The following PHAF1 variants were observed in gnomAD, a reference collection of about 807,000 sequenced individuals.
PHAF1 encodes the protein phagosome assembly factor 1.
PHAF1 carries 23 observed loss-of-function variants against 63.1 expected under a neutral mutation model. The observed-to-expected ratio is 0.36, with a 90% CI of 0.26 to 0.52. The LOEUF is 0.52. Among genes scored for constraint, PHAF1 ranks in the 20% least tolerant of loss-of-function variants. PHAF1 has a pLI of 0.93. For synonymous variants in PHAF1, 167 were observed against 185.0 expected (o/e 0.90, Z 0.79); for missense variants, 427 against 517.2 (o/e 0.83, Z 1.69).
At chr16:67,124,790 C>T (rs763795497) in intron 2 of PHAF1, among the ~76,000 whole-genome samples, 7 of 151,830 alleles carry the variant, frequency 4.6e-5, no homozygotes, top group Non-Finnish European at 8.8e-5. Context: ...GTAGTCCCAG[C>T]TACTCGGGAG....
intron 2 of PHAF1, 41 bp downstream of exon 2, chr16:67,120,235 G>C (rs749759258): frequency 6.4e-7 from 1 of 1,563,172 alleles, no homozygotes. Context: ...AGCATCCCTC[G>C]GTAGTGAGTC....
intron 1 of PHAF1, among the ~76,000 whole-genome samples, chr16:67,116,115 C>T (rs973206465): frequency 3.3e-5 from 5 of 152,206 alleles, no homozygotes; most frequent in African/African-American, 1.2e-4. Flanking sequence ...TCCATTCCTC[C>T]TGGGAATGAC....
chr16:67,112,862 T>G (rs1238696212), intron 1 of PHAF1, among the ~76,000 whole-genome samples: 1 of 152,200 alleles, frequency 6.6e-6, no homozygotes, highest in African/African-American at 2.4e-5. Context: ...GAGATGGTGT[T>G]AATTTAACTT....
chr16:67,145,636 G>A lies in PHAF1; in HGVS notation c.1109+8G>A. 2 of 1,609,124 alleles carry A rather than the reference G, an allele frequency of 1.2e-6. No individual in the cohort carries two copies. Among genetic ancestry groups the A allele is most frequent in the East Asian group, 4.5e-5 (2 of 44,832 alleles). ...GCCTGTTGTCCTGCACAGGTGAGTG[G>A]GAGTTTGATGTCCCCGGCCACCCCA... On this transcript the variant is annotated splice_region_variant and intron_variant, in intron 14 of 15. Coordinates refer to ENST00000219139, the MANE Select transcript of PHAF1 (RefSeq NM_025187.5).
intron 1 of PHAF1, 72 bp downstream of exon 1, chr16:67,110,311 C>T: frequency 6.7e-7 from 1 of 1,495,542 alleles, no homozygotes; most frequent in South Asian, 1.2e-5. Flanking sequence ...CCCACCTGTT[C>T]TCAGTCTCTC....
At chr16:67,139,064 G>A (rs1189146940) in intron 8 of PHAF1, among the ~76,000 whole-genome samples, 3 of 151,176 alleles carry the variant, frequency 2.0e-5, no homozygotes, top group African/African-American at 4.9e-5. Flanking sequence ...GACTGCAGGA[G>A]TGTGCCACCA....
At chr16:67,140,465 AT>A (rs1567653138) in intron 9 of PHAF1, 45 bp from the exon 10 acceptor site, 15 of 1,399,856 alleles carry the variant, frequency 1.1e-5, no homozygotes, top group Non-Finnish European at 1.5e-5. Context: ...ATCCAGAACT[AT>A]ATTAGAGGGA....
At chr16:67,118,137 T>G (rs530754397) in intron 1 of PHAF1, among the ~76,000 whole-genome samples, 64 of 146,986 alleles carry the variant, frequency 4.4e-4, no homozygotes, top group African/African-American at 1.5e-3. Context: ...TTTTTTTTTT[T>G]TTTTTTTTTT....
intron 15 of PHAF1, 35 bp downstream of exon 15, chr16:67,146,385 G>C: frequency 6.3e-7 from 1 of 1,592,512 alleles, no homozygotes; most frequent in Non-Finnish European, 8.6e-7. Flanking sequence ...AAACTGCCTG[G>C]GGGGTTGCTG....
intron 4 of PHAF1, 37 bp downstream of exon 4, chr16:67,131,366 G>C (rs753110618): frequency 7.1e-7 from 1 of 1,414,950 alleles, no homozygotes. Flanking sequence ...GTCACACTTG[G>C]TATAGACAGG....
chr16:67,137,561 C>T lies in PHAF1; in HGVS notation c.662-2423C>T, dbSNP rs563618417. Among the ~76,000 whole-genome samples the T allele has an allele frequency of 9.1e-4, 138 of 152,126 alleles. 1 individual carries two copies. The Middle Eastern group carries it at 0.034, about 37-fold the overall frequency. On this transcript the variant is annotated intron_variant, in intron 8 of 15. Transcript: ENST00000219139. ...CTCAAACTCCTGACATCAAGTGATC[C>T]GCCCGCCTCAACCTCCCAAAGTGCT... is the stretch of plus-strand genomic sequence containing the variant.
intron 2 of PHAF1, among the ~76,000 whole-genome samples, chr16:67,120,722 CATGTTGA>C (rs778068473): frequency 1.3e-5 from 2 of 151,770 alleles, no homozygotes; most frequent in African/African-American, 2.4e-5. Flanking sequence ...CATGTGCTGC[CATGTTGA>C]ACAGCCTTTG....
At chr16:67,133,578 G>A (rs923594298) in intron 6 of PHAF1, among the ~76,000 whole-genome samples, 6 of 151,780 alleles carry the variant, frequency 4.0e-5, no homozygotes, top group Non-Finnish European at 8.8e-5. Context: ...AGGCCGAGGC[G>A]GGCCTCCTGG....
In PHAF1 at chr16:67,147,216, T is replaced by C. The variant is rs1261130142; in HGVS notation, c.*85T>C. The C allele has an allele frequency of 1.5e-6, 2 of 1,338,104 alleles. No homozygotes were observed. Among genetic ancestry groups the C allele is most frequent in the Non-Finnish European group, 2.1e-6 (2 of 939,246 alleles). The allele number at this position is 1,338,104 out of a possible 1,614,324, so 82.9% of individuals were successfully genotyped here. On this transcript the variant is annotated 3_prime_UTR_variant, in exon 16 of 16. Transcript: ENST00000219139. ...GGCCTCTGTACCACCCTGTGGGTTT[T>C]CTTGGACACCTGGCCAGTGCTGAAG... is the stretch of plus-strand genomic sequence containing the variant.
At chr16:67,122,704 T>C (rs888743802) in intron 2 of PHAF1, among the ~76,000 whole-genome samples, 4 of 152,110 alleles carry the variant, frequency 2.6e-5, no homozygotes, top group Non-Finnish European at 5.9e-5. Flanking sequence ...ACAGTATAGT[T>C]TCTTGATAAT....
intron 8 of PHAF1, 34 bp from the exon 9 acceptor site, chr16:67,139,950 T>C (rs1360880026): frequency 6.2e-7 from 1 of 1,613,610 alleles, no homozygotes; most frequent in Non-Finnish European, 8.5e-7. Context: ...GTCCTAACCA[T>C]AACCTGACAA....
chr16:67,112,490 C>T (rs1309900135), intron 1 of PHAF1, among the ~76,000 whole-genome samples: 2 of 150,240 alleles, frequency 1.3e-5, no homozygotes, highest in Non-Finnish European at 3.0e-5. Context: ...GGGTCATGAT[C>T]ACACCACTGG....
intron 10 of PHAF1, 84 bp downstream of exon 10, chr16:67,140,678 C>A: frequency 9.1e-7 from 1 of 1,097,554 alleles, no homozygotes; most frequent in Non-Finnish European, 1.4e-6. Context: ...CCACATGCAG[C>A]TGGAACCATG....
intron 8 of PHAF1, chr16:67,134,782 C>A (rs1284955761): frequency 8.1e-6 from 4 of 491,652 alleles, no homozygotes; most frequent in African/African-American, 7.8e-5. Flanking sequence ...CGGCACTGAT[C>A]TCAATCCTGA....
Sources: gnomAD v4.1 joint callset for allele counts (sites outside exome capture counted in the v4.1 genomes callset) on GRCh38, gnomAD v4.1.1 for gene constraint, MANE v1.5 for transcripts, NCBI Gene and HGNC (gene_info 2026-07-23, HGNC 2026-07-21) for gene names.